The following SPTB variants were observed in gnomAD, a reference collection of about 807,000 sequenced individuals.
The protein encoded by SPTB is spectrin beta chain, erythrocytic.
A neutral mutation model predicts 256.2 loss-of-function variants in SPTB; 45 were observed. The ratio of observed to expected loss-of-function variants is 0.18; its 90% CI spans 0.14 to 0.23. The LOEUF (loss-of-function observed/expected upper bound fraction) is 0.23. Ranked by LOEUF, SPTB falls within the 10% of genes least tolerant of loss-of-function variation. The probability of loss-of-function intolerance (pLI) is 1.00; values close to 1 mark genes in which losing one functional copy is unlikely to be tolerated. For missense variants in SPTB, 2,715 were observed against 3,040.4 expected (o/e 0.89, Z 2.52); for synonymous variants, 1,231 against 1,243.1 (o/e 0.99, Z 0.21).
At chr14:64,867,563 T>C (rs1882258525) in intron 1 of SPTB, among the ~76,000 whole-genome samples, 1 of 152,090 alleles carries the variant, frequency 6.6e-6, no homozygotes, top group Non-Finnish European at 1.5e-5. Context: ...GTGTAAGAGT[T>C]CATGGCTGTG....
intron 32 of SPTB, chr14:64,754,665 C>T (rs941107056): frequency 1.3e-5 from 2 of 152,362 alleles, no homozygotes; most frequent in African/African-American, 2.4e-5. Context: ...CCTGTGGAGA[C>T]CTGGGGATGC....
rs754552634 is a variant in SPTB, at chr14:64,782,509, C to G, written c.4047G>C (p.Leu1349=). Residue 1349 remains leucine, a synonymous_variant, in exon 20 of 36, where the codon CTG becomes CTC. Transcript: ENST00000644917. ...LMDEKPQFTA[L]VSQKLEALHR... ...GCAGGGCTTCCAGCTTTTGGGACAC[C>G]AGGGCTGTAAACTGGGGCTTCTCAT... 1.2e-6 allele frequency: 2 copies of G among 1,613,936 alleles called. No homozygotes were observed. The highest frequency in any genetic ancestry group is 1.7e-6 in the Non-Finnish European group (2 of 1,180,038).
chr14:64,784,628 G>A (rs187931085), intron 18 of SPTB, among the ~76,000 whole-genome samples: 47 of 152,340 alleles, frequency 3.1e-4, no homozygotes, highest in African/African-American at 1.0e-3. Context: ...TGTGTGTGGT[G>A]TAGACCAGGG....
intron 2 of SPTB, among the ~76,000 whole-genome samples, chr14:64,817,590 G>C (rs1223700634): frequency 6.6e-6 from 1 of 152,262 alleles, no homozygotes; most frequent in African/African-American, 2.4e-5. Context: ...TAACAAAGAA[G>C]CTACTGATGC....
chr14:64,866,356 G>A lies in SPTB; in HGVS notation c.-52+13436C>T, dbSNP rs1882182518. 6.6e-6 allele frequency among the ~76,000 whole-genome samples: 1 copy of A among 152,124 alleles called. No individual in the cohort carries two copies. The highest frequency in any genetic ancestry group is 1.5e-5 in the Non-Finnish European group (1 of 68,016). On this transcript the variant is annotated intron_variant, in intron 1 of 35. Coordinates refer to ENST00000644917, the MANE Select transcript of SPTB (RefSeq NM_001355436.2). The surrounding 1 kb of genome is among the most constrained non-coding windows in gnomAD (Gnocchi z 4.6). The stretch of plus-strand genomic sequence containing the variant: ...CTCAATGGGGTCTTCAGTTGTCTTG[G>A]CCAAGCCCGTTCCTCTGTCTCGCTG...
At position 64,778,984 on chromosome 14, in the gene SPTB, C is replaced by T. The variant is rs1263492494; in HGVS notation, c.4563+173G>A. On this transcript the variant is annotated intron_variant, in intron 22 of 35. Transcript: ENST00000644917. This position sits in a 1 kb window ranked among gnomAD's most constrained non-coding sequence, Gnocchi z 5.2. ...AGAATTTGCTCTGTAATCACAAAAA[C>T]CTGCTCTTTCTGCTATAAGATTACC... is the stretch of plus-strand genomic sequence containing the variant. Among the ~76,000 whole-genome samples the T allele has an allele frequency of 2.0e-5, 3 of 152,136 alleles. No homozygotes were observed. Among genetic ancestry groups the T allele is most frequent in the Non-Finnish European group, 4.4e-5 (3 of 68,032 alleles).
intron 1 of SPTB, among the ~76,000 whole-genome samples, chr14:64,839,788 G>C (rs1488820578): frequency 1.3e-5 from 2 of 152,128 alleles, no homozygotes; most frequent in Non-Finnish European, 2.9e-5. Flanking sequence ...TCCTGAGGTA[G>C]CCTAACACGT....
At chr14:64,858,825 TA>T (rs1377352495) in intron 1 of SPTB, among the ~76,000 whole-genome samples, 1 of 152,098 alleles carries the variant, frequency 6.6e-6, no homozygotes, top group Admixed American at 6.5e-5. Context: ...CTTTCCTCAG[TA>T]AAAATGGCCT....
Position 64,791,781 on chromosome 14 carries a change from C to A in SPTB, c.2742G>T (p.Leu914Phe), listed in dbSNP as rs1282438063. Residue 914 changes from leucine (L) to phenylalanine (F), a missense_variant, in exon 15 of 36, where the codon TTG becomes TTT. Coordinates refer to ENST00000644917, the MANE Select transcript of SPTB (RefSeq NM_001355436.2). Reference sequence around the variant, plus strand: ...TGCTGCGTGGGTGGCCACTCTCTACCAAGCTGTTGGCAGCGAGGTTCACAC... The same window carrying A: ...TGCTGCGTGGGTGGCCACTCTCTACAAAGCTGTTGGCAGCGAGGTTCACAC... The part of the protein sequence containing the change: ...IDGVNLAANS[L>F]VESGHPRSRE... The A allele has an allele frequency of 2.5e-6, 4 of 1,614,020 alleles. No homozygotes were observed. The highest frequency in any genetic ancestry group is 2.2e-5 in the South Asian group (2 of 91,084).
chr14:64,804,848 A>C, intron 3 of SPTB, 91 bp downstream of exon 3: 1 of 1,533,030 alleles, frequency 6.5e-7, no homozygotes, highest in East Asian at 2.2e-5. Context: ...AAAACTGGGA[A>C]GGCCAGGAGA....
chr14:64,837,901 C>T (rs1168659289), intron 1 of SPTB, among the ~76,000 whole-genome samples: 5 of 152,120 alleles, frequency 3.3e-5, no homozygotes, highest in South Asian at 2.1e-4. Flanking sequence ...TGTGAGCCAC[C>T]GCGCGTGGCC....
intron 9 of SPTB, among the ~76,000 whole-genome samples, chr14:64,798,779 TA>T (rs2082824207): frequency 2.6e-5 from 4 of 152,228 alleles, no homozygotes; most frequent in Non-Finnish European, 5.9e-5. Context: ...TAGTATATCC[TA>T]GACTCAGCAT....
chr14:64,842,915 A>C (rs1315782194), intron 1 of SPTB, among the ~76,000 whole-genome samples: 1 of 152,072 alleles, frequency 6.6e-6, no homozygotes, highest in East Asian at 1.9e-4. Flanking sequence ...AAAAAATAAA[A>C]AATTAGCCAG....
intron 8 of SPTB, 54 bp from the exon 9 acceptor site, chr14:64,799,988 G>T: frequency 6.3e-7 from 1 of 1,593,418 alleles, no homozygotes; most frequent in Non-Finnish European, 8.6e-7. Context: ...CCACCACTGA[G>T]GATATCAATG....
rs768427782 is a variant in SPTB, at chr14:64,793,273, C to T, written c.2390G>A (p.Gly797Glu). The change falls in exon 14 of 36, where the codon GGG (glycine) becomes GAG (glutamate). Residue 797 changes from glycine (G) to glutamate (E), a missense_variant. By Grantham distance (98) the Gly-to-Glu change is moderately conservative. Transcript: ENST00000644917. The surrounding 1 kb of genome is among the most constrained non-coding windows in gnomAD (Gnocchi z 7.0). The stretch of plus-strand genomic sequence containing the variant: ...CTGCTGCTCCAGGTGCTCCATCACC[C>T]CACGGCTCTCCTCCAGCTCCTCCAG... ...DFLEELEESR[G>E]VMEHLEQQAQ... The T allele has an allele frequency of 1.2e-6, 2 of 1,606,926 alleles. No individual in the cohort carries two copies. The highest frequency in any genetic ancestry group is 1.7e-6 in the Non-Finnish European group (2 of 1,179,996).
At chr14:64,821,811 G>A (rs940069504) in intron 2 of SPTB, among the ~76,000 whole-genome samples, 17 of 152,210 alleles carry the variant, frequency 1.1e-4, no homozygotes, top group African/African-American at 3.4e-4. Flanking sequence ...ATGAGACACC[G>A]CAGCATTCCT....
intron 27 of SPTB, among the ~76,000 whole-genome samples, 188 bp from the exon 28 acceptor site, chr14:64,769,916 T>C (rs1272418277): frequency 6.6e-6 from 1 of 152,184 alleles, no homozygotes; most frequent in Non-Finnish European, 1.5e-5. Flanking sequence ...CCTGGTATCT[T>C]CCATTGCTCA....
Position 64,785,449 on chromosome 14 carries a change from AG to A in SPTB, c.3855+87del, listed in dbSNP as rs1335414242. 6 of 1,204,292 alleles carry A rather than the reference AG, an allele frequency of 5.0e-6. No individual in the cohort carries two copies. The highest frequency in any genetic ancestry group is 6.0e-6 in the Non-Finnish European group (5 of 832,456). 74.6% of individuals were successfully genotyped at this position (1,204,292 alleles called of 1,614,324 possible). On this transcript the variant is annotated intron_variant, in intron 18 of 35. Transcript: ENST00000644917. This position sits in a 1 kb window ranked among gnomAD's most constrained non-coding sequence, Gnocchi z 4.4. The stretch of plus-strand genomic sequence containing the variant: ...GAATCCCACAGCTCTTGAGCTAGAA[AG>A]GATCCCTGTGGACTTCCTGCCTTGA...
At chr14:64,753,503 C>T in intron 33 of SPTB, 34 bp downstream of exon 33, 2 of 1,612,648 alleles carry the variant, frequency 1.2e-6, no homozygotes, top group Admixed American at 1.7e-5. Context: ...AGCTGCCCAA[C>T]CTACCCTCAG....
Sources: allele counts gnomAD v4.1 joint callset (sites outside exome capture counted in the v4.1 genomes callset), GRCh38; gene constraint gnomAD v4.1.1; non-coding constraint Gnocchi (gnomAD v3.1); transcripts MANE v1.5; gene names NCBI Gene and HGNC (gene_info 2026-07-23, HGNC 2026-07-21).